Variants in DMD observed in about 807,000 individuals in gnomAD.
DMD encodes the protein mutant dystrophin.
In DMD, 63 loss-of-function variants were observed where a neutral mutation model predicts 330.1. The observed-to-expected ratio is 0.19, with a 90% CI of 0.16 to 0.24. The LOEUF (loss-of-function observed/expected upper bound fraction) is 0.24. Among genes scored for constraint, DMD ranks in the 10% least tolerant of loss-of-function variants. The pLI, the probability that DMD is intolerant of heterozygous loss-of-function variation, is 1.00. For synonymous variants in DMD, 1,223 were observed against 959.8 expected (o/e 1.27, Z -5.07); for missense variants, 3,344 against 2,684.1 (o/e 1.25, Z -5.43).
intron 2 of DMD, among the ~76,000 whole-genome samples, chrX:32,906,691 T>C (rs979555082): frequency 1.2e-4 from 13 of 111,391 alleles, no homozygotes; most frequent in Non-Finnish European, 2.3e-4. Context: ...GATGATTTAA[T>C]TGATCTTTCT....
intron 13 of DMD, among the ~76,000 whole-genome samples, chrX:32,588,613 C>T (rs977367907): frequency 1.8e-5 from 2 of 111,386 alleles, no homozygotes; most frequent in Admixed American, 9.6e-5. Context: ...CAAAGGAGAA[C>T]GATTAAACAG....
chrX:31,891,022 T>C (rs73466050), intron 47 of DMD, among the ~76,000 whole-genome samples: 1,167 of 112,198 alleles, frequency 0.01, 13 homozygotes, highest in African/African-American at 0.035. Flanking sequence ...CAAATGCATA[T>C]TGCTTATCCA....
chrX:32,376,270 C>T (rs2097902583), intron 34 of DMD, among the ~76,000 whole-genome samples: 1 of 111,606 alleles, frequency 9.0e-6, no homozygotes, highest in Non-Finnish European at 1.9e-5. Context: ...AGCAAGACTC[C>T]ATCTCAAAAT....
At chrX:32,188,006 A>AT (rs977932153) in intron 44 of DMD, among the ~76,000 whole-genome samples, 5 of 111,166 alleles carry the variant, frequency 4.5e-5, no homozygotes, top group Non-Finnish European at 9.5e-5. Context: ...ATGATATAGA[A>AT]TTTTTTATCT....
chrX:32,210,511 T>C (rs1324487799), intron 44 of DMD, among the ~76,000 whole-genome samples: 2 of 112,171 alleles, frequency 1.8e-5, no homozygotes, highest in African/African-American at 6.5e-5. Flanking sequence ...AGCAGCCAGC[T>C]GGTGAAATCA....
chrX:33,049,943 T>C (rs959040408), intron 1 of DMD, among the ~76,000 whole-genome samples: 3 of 111,874 alleles, frequency 2.7e-5, no homozygotes, highest in African/African-American at 9.7e-5. Flanking sequence ...TTTGCAAATA[T>C]ATTCGTCTTT....
intron 59 of DMD, among the ~76,000 whole-genome samples, chrX:31,456,563 A>G (rs1015706933): frequency 2.7e-5 from 3 of 111,911 alleles, no homozygotes; most frequent in Admixed American, 9.5e-5. Flanking sequence ...AACTTGAACA[A>G]AGGGTAAGAG....
intron 60 of DMD, chrX:31,435,426 ATATAT>A (rs948026431): frequency 3.6e-5 from 4 of 111,926 alleles, no homozygotes; most frequent in Non-Finnish European, 7.5e-5. Flanking sequence ...AAATTAATTA[ATATAT>A]TAAGGGAGAG....
chrX:32,386,262 T>A, intron 33 of DMD, 48 bp downstream of exon 33: 1 of 1,198,864 alleles, frequency 8.3e-7, no homozygotes, highest in Non-Finnish European at 1.1e-6. Context: ...GCTTTACAAT[T>A]TATAAGGAAA....
chrX:32,994,090 C>G (rs767711155), intron 2 of DMD, among the ~76,000 whole-genome samples: 1 of 110,320 alleles, frequency 9.1e-6, no homozygotes, highest in South Asian at 3.9e-4. Flanking sequence ...TTTGTTCAGT[C>G]TTCTCTGTGT....
At chrX:32,084,400 C>T (rs2096415791) in intron 44 of DMD, among the ~76,000 whole-genome samples, 1 of 111,178 alleles carries the variant, frequency 9.0e-6, no homozygotes, top group African/African-American at 3.3e-5. Context: ...GTTGGAGTGC[C>T]TTTTTCAAAT....
chrX:31,498,907 T>G (rs947082219), intron 56 of DMD, among the ~76,000 whole-genome samples: 1 of 112,256 alleles, frequency 8.9e-6, no homozygotes, highest in Non-Finnish European at 1.9e-5. Context: ...TCTTTTATGT[T>G]TCTGTACCAT....
chrX:32,423,583 A>C (rs1250929346), intron 29 of DMD, among the ~76,000 whole-genome samples: 1 of 110,880 alleles, frequency 9.0e-6, no homozygotes, highest in Non-Finnish European at 1.9e-5. Context: ...ACGAACAAAA[A>C]CATTTAACTA....
intron 44 of DMD, among the ~76,000 whole-genome samples, chrX:32,213,850 T>C (rs1014369662): frequency 3.6e-5 from 4 of 109,964 alleles, no homozygotes; most frequent in African/African-American, 6.6e-5. Context: ...GGTGGGCACC[T>C]GTAATCCCAG....
intron 55 of DMD, among the ~76,000 whole-genome samples, chrX:31,544,937 G>T (rs1256582098): frequency 9.0e-6 from 1 of 111,306 alleles, no homozygotes; most frequent in Non-Finnish European, 1.9e-5. Context: ...CAAGGCAATA[G>T]CATTTAATAC....
At chrX:32,640,724 A>G (rs2059393149) in intron 11 of DMD, among the ~76,000 whole-genome samples, 1 of 111,545 alleles carries the variant, frequency 9.0e-6, no homozygotes, top group Non-Finnish European at 1.9e-5. Flanking sequence ...GGTCTAAGAC[A>G]CTACTGTGTC....
At chrX:31,169,260 C>T (rs1379758787) in intron 74 of DMD, among the ~76,000 whole-genome samples, 183 bp downstream of exon 74, 1 of 109,541 alleles carries the variant, frequency 9.1e-6, no homozygotes, top group Admixed American at 9.7e-5. Flanking sequence ...CTATTGCATC[C>T]ATTGTCTTCT....
At chrX:31,918,644 T>G (rs188187279) in intron 47 of DMD, among the ~76,000 whole-genome samples, 4,597 of 110,456 alleles carry the variant, frequency 0.042, 78 homozygotes, top group Non-Finnish European at 0.065. Flanking sequence ...ATCTTTTTTT[T>G]TTTGTTTGTT....
intron 16 of DMD, among the ~76,000 whole-genome samples, chrX:32,553,285 G>A (rs954557145): frequency 1.8e-5 from 2 of 111,455 alleles, no homozygotes; most frequent in Admixed American, 1.9e-4. Flanking sequence ...GGAGCTGGAG[G>A]CCATTATCCT....
Sources: allele counts gnomAD v4.1 joint callset (sites outside exome capture counted in the v4.1 genomes callset), GRCh38; gene constraint gnomAD v4.1.1; transcripts MANE v1.5; gene names NCBI Gene and HGNC (gene_info 2026-07-23, HGNC 2026-07-21).